The following TCF20 variants were observed in gnomAD, a reference collection of about 807,000 sequenced individuals.
TCF20 encodes the protein SPRE-binding protein.
TCF20 carries 3 observed loss-of-function variants against 148.6 expected under a neutral mutation model. The observed-to-expected ratio is 0.02, with a 90% CI of 0.01 to 0.05. TCF20 has a LOEUF of 0.05. TCF20 is among the 10% of genes least tolerant of loss of function. TCF20 has a pLI of 1.00. For missense variants in TCF20, 2,350 were observed against 2,429.3 expected, an observed-to-expected ratio of 0.97 and a Z score of 0.69; for synonymous variants, 1,049 against 909.5, an observed-to-expected ratio of 1.15 and a Z score of -2.76.
Position 42,270,472 on chromosome 22 carries a change from CGGCGGCGGGGCG to C in TCF20, c.-182_-171del, listed in dbSNP as rs1463822963. On this transcript the variant is annotated 5_prime_UTR_variant, in exon 1 of 6. Transcript: ENST00000677622. ...CCGCCTCCAGCTCGGGCGCCCGGGC[CGGCGGCGGGGCG>C]GGCCGGGGCCGCGGCCCCTCGAGGC... Among the ~76,000 whole-genome samples, 4 of 141,026 alleles carry C rather than the reference CGGCGGCGGGGCG, an allele frequency of 2.8e-5. No homozygotes were observed. Among genetic ancestry groups the C allele is most frequent in the African/African-American group, 7.6e-5 (3 of 39,482 alleles). The allele number at this position is 141,026 out of a possible 152,430, so 92.5% of individuals were successfully genotyped here. A position where few individuals can be genotyped will look rare whatever the true frequency, so the allele number is the denominator to read the frequency against.
At chr22:42,294,946 A>G (rs1177554829) in intron 1 of TCF20, among the ~76,000 whole-genome samples, 1 of 152,170 alleles carries the variant, frequency 6.6e-6, no homozygotes, top group East Asian at 1.9e-4. Context: ...GCAGGGAGAC[A>G]TGCTGGCGCT....
At chr22:42,227,244 T>G (rs1168988298) in intron 1 of TCF20, among the ~76,000 whole-genome samples, 1 of 152,118 alleles carries the variant, frequency 6.6e-6, no homozygotes, top group East Asian at 1.9e-4. Context: ...TCCATTGCAC[T>G]CCAGCCTGGG....
intron 3 of TCF20, among the ~76,000 whole-genome samples, chr22:42,176,580 A>T (rs972063711): frequency 7.9e-5 from 12 of 152,134 alleles, no homozygotes; most frequent in African/African-American, 2.9e-4. Context: ...AAGCACAGAG[A>T]GGGGGCATGC....
chr22:42,178,087 A>G (rs1936552163), intron 3 of TCF20, among the ~76,000 whole-genome samples: 1 of 152,202 alleles, frequency 6.6e-6, no homozygotes, highest in Non-Finnish European at 1.5e-5. Context: ...TACTGGATTC[A>G]GAGGGCTTCT....
At chr22:42,285,073 C>G (rs1302436440), upstream of TCF20, among the ~76,000 whole-genome samples, 1 of 152,248 alleles carries the variant, frequency 6.6e-6, no homozygotes, top group East Asian at 1.9e-4. This position sits in a 1 kb window ranked among gnomAD's most constrained non-coding sequence, Gnocchi z 4.2. Flanking sequence ...ATGCACTTCA[C>G]TCGGCCATGC....
At chr22:42,162,386 T>C (rs1260923392) in intron 5 of TCF20, among the ~76,000 whole-genome samples, 1 of 152,080 alleles carries the variant, frequency 6.6e-6, no homozygotes, top group Non-Finnish European at 1.5e-5. Context: ...CCTTTCGACC[T>C]CTCAGGAACC....
chr22:42,235,960 G>A (rs1177903800), intron 1 of TCF20, among the ~76,000 whole-genome samples: 3 of 152,118 alleles, frequency 2.0e-5, no homozygotes, highest in African/African-American at 7.2e-5. Context: ...TTGGGAGGCC[G>A]AGGCAGGCAG....
chr22:42,276,355 A>G (rs1926779097), intron 1 of TCF20: 1 of 152,156 alleles, frequency 6.6e-6, no homozygotes, highest in Admixed American at 6.5e-5. Context: ...CATTTTCACA[A>G]GTGAAGAAAT....
At chr22:42,246,381 A>G (rs963986624) in intron 1 of TCF20, among the ~76,000 whole-genome samples, 1 of 152,108 alleles carries the variant, frequency 6.6e-6, no homozygotes, top group Non-Finnish European at 1.5e-5. Context: ...AAGTGCTGGG[A>G]TACAGGCATG....
Position 42,161,314 on chromosome 22 carries a change from A to T in TCF20, c.*89T>A. The T allele has an allele frequency of 6.2e-7, 1 of 1,613,910 alleles. No homozygotes were observed. Among genetic ancestry groups the T allele is most frequent in the South Asian group, 1.1e-5 (1 of 91,074 alleles). ...GTGGCTGCACGGTAGGACGATTTCC[A>T]TTCCATCACGAGTGTCCACCACCTT... On this transcript the variant is annotated 3_prime_UTR_variant, in exon 6 of 6. Transcript: ENST00000677622.
rs989174011 is a variant in TCF20, at chr22:42,303,000, G to A, written c.-37+40479C>T. On this transcript the variant is annotated intron_variant, in intron 1 of 1. Transcript: ENST00000515426. ...GCTGGAGTGCAGTGGCACAATCTCCGCTCACTGCAACCTCCGCCTCCCGGG... is the reference window on the plus strand; with the variant it reads ...GCTGGAGTGCAGTGGCACAATCTCCACTCACTGCAACCTCCGCCTCCCGGG... 6.5e-4 allele frequency among the ~76,000 whole-genome samples: 99 copies of A among 151,834 alleles called. 1 individual carries two copies. Among genetic ancestry groups the A allele is most frequent in the Non-Finnish European group, 1.3e-3 (88 of 67,896 alleles).
At chr22:42,329,062 C>T (rs1315832904) in intron 1 of TCF20, among the ~76,000 whole-genome samples, 2 of 152,214 alleles carry the variant, frequency 1.3e-5, no homozygotes, top group Non-Finnish European at 2.9e-5. Flanking sequence ...ATTTCATTTC[C>T]CCGCTCCCCC....
Position 42,338,687 on chromosome 22 carries a change from G to A in TCF20, c.-37+4792C>T, listed in dbSNP as rs1473456413. Among the ~76,000 whole-genome samples, 1 of 152,252 alleles carries A rather than the reference G, an allele frequency of 6.6e-6. No homozygotes were observed. The highest frequency in any genetic ancestry group is 1.5e-5 in the Non-Finnish European group (1 of 68,042). ...TCCTGCGACGGAGGCTGCCAGGCGG[G>A]ACGGGCTGGGCACGGCACGAGGCGG... On this transcript the variant is annotated intron_variant, in intron 1 of 1. Coordinates refer to the TCF20 transcript ENST00000515426. The surrounding 1 kb of genome is among the most constrained non-coding windows in gnomAD (Gnocchi z 4.0).
intron 1 of TCF20, among the ~76,000 whole-genome samples, chr22:42,337,724 A>G (rs1044128999): frequency 1.3e-5 from 2 of 152,242 alleles, no homozygotes; most frequent in Non-Finnish European, 2.9e-5. Context: ...TAAATATTCC[A>G]GGGGTAGTTT....
At chr22:42,198,233 G>T (rs1454260622) in intron 2 of TCF20, among the ~76,000 whole-genome samples, 1 of 152,200 alleles carries the variant, frequency 6.6e-6, no homozygotes, top group Non-Finnish European at 1.5e-5. Flanking sequence ...ACACTGTGAT[G>T]ATGGAGACTC....
intron 1 of TCF20, among the ~76,000 whole-genome samples, chr22:42,221,631 C>T (rs904360074): frequency 4.0e-5 from 6 of 151,824 alleles, no homozygotes; most frequent in Non-Finnish European, 8.8e-5. Context: ...AAGAAATGCC[C>T]AAAGTCCAAA....
intron 2 of TCF20, among the ~76,000 whole-genome samples, chr22:42,184,593 T>C (rs1829441458): frequency 6.6e-6 from 1 of 152,174 alleles, no homozygotes; most frequent in African/African-American, 2.4e-5. Context: ...AAATGTCCTT[T>C]GTTTTTGACC....
chr22:42,257,739 G>A (rs1397344831), intron 1 of TCF20, among the ~76,000 whole-genome samples: 1 of 152,202 alleles, frequency 6.6e-6, no homozygotes, highest in East Asian at 1.9e-4. Flanking sequence ...ATGATGAGCT[G>A]CTCTGGCTGG....
chr22:42,261,560 T>G (rs134873), intron 1 of TCF20, among the ~76,000 whole-genome samples: 53,269 of 152,122 alleles, frequency 0.35, 11,056 homozygotes, highest in South Asian at 0.47. Flanking sequence ...TCTACATTTT[T>G]TTTTTTGAGA....
Sources: allele counts gnomAD v4.1 joint callset (sites outside exome capture counted in the v4.1 genomes callset), GRCh38; gene constraint gnomAD v4.1.1; non-coding constraint Gnocchi (gnomAD v3.1); transcripts MANE v1.5; gene names NCBI Gene and HGNC (gene_info 2026-07-23, HGNC 2026-07-21).